The following NIPA1 variants were observed in gnomAD, a reference collection of about 807,000 sequenced individuals.
NIPA1 encodes NIPA magnesium transporter 1.
A neutral mutation model predicts 23.9 loss-of-function variants in NIPA1; 13 were observed. That is an observed-to-expected ratio of 0.54 (90% CI 0.35 to 0.87). The LOEUF (loss-of-function observed/expected upper bound fraction) is 0.87, where lower values mean the gene tolerates loss of function less well. NIPA1 is among the 40% of genes least tolerant of loss of function. NIPA1 has a pLI of 0.01. For missense variants in NIPA1, 362 were observed against 429.7 expected, an observed-to-expected ratio of 0.84 and a Z score of 1.39; for synonymous variants, 234 against 202.9, an observed-to-expected ratio of 1.15 and a Z score of -1.30.
chr15:22,804,229 C>G (rs1895153016), intron 1 of NIPA1, among the ~76,000 whole-genome samples: 1 of 152,042 alleles, frequency 6.6e-6, no homozygotes, highest in Admixed American at 6.6e-5. Flanking sequence ...TCACCCACCT[C>G]AGCCTCCCAA....
chr15:22,793,357 CAAAAAA>C lies in NIPA1; in HGVS notation c.178+6539_178+6544del, dbSNP rs1163603849. ...CAGGCTACGGAGTGAGACTGTGTCTCAAAAAAAAAAAAAAAAAAAAAGAGAATACAT... is the reference window on the plus strand; with the variant it reads ...CAGGCTACGGAGTGAGACTGTGTCTCAAAAAAAAAAAAAAAGAGAATACAT... On this transcript the variant is annotated intron_variant, in intron 1 of 4. Transcript: ENST00000337435. Among the ~76,000 whole-genome samples, 527 of 73,096 alleles carry C rather than the reference CAAAAAA, an allele frequency of 7.2e-3. 10 individuals carry two copies. The highest frequency in any genetic ancestry group is 0.025 in the African/African-American group (506 of 20,204). The allele number at this position is 73,096 out of a possible 152,430, so 48.0% of individuals were successfully genotyped here.
At chr15:22,796,222 C>T (rs1001311552) in intron 1 of NIPA1, among the ~76,000 whole-genome samples, 1 of 151,824 alleles carries the variant, frequency 6.6e-6, no homozygotes, top group Non-Finnish European at 1.5e-5. Context: ...ATGCATGGCC[C>T]CAGATAAGGC....
intron 4 of NIPA1, among the ~76,000 whole-genome samples, chr15:22,823,246 G>T (rs1217708828): frequency 4.8e-5 from 7 of 145,794 alleles, no homozygotes; most frequent in African/African-American, 1.5e-4. Flanking sequence ...ATGGAGTCTT[G>T]CTCTGTCACC....
chr15:22,814,131 C>T, intron 3 of NIPA1: 2 of 1,262,930 alleles, frequency 1.6e-6, no homozygotes, highest in Non-Finnish European at 2.1e-6. Context: ...GGATAAAAAG[C>T]CTGTCTTCAA....
chr15:22,810,918 C>G (rs1895303434), intron 2 of NIPA1, 122 bp downstream of exon 2: 1 of 804,696 alleles, frequency 1.2e-6, no homozygotes, highest in Non-Finnish European at 2.2e-6. Flanking sequence ...GTCGCGTGGC[C>G]TCTCCCCAGG....
chr15:22,797,043 C>CT (rs61661682), intron 1 of NIPA1, among the ~76,000 whole-genome samples: 14,908 of 140,092 alleles, frequency 0.11, 1,732 homozygotes, highest in African/African-American at 0.29. Context: ...ATTGAGGTTT[C>CT]TTTTTTTTTT....
chr15:22,796,968 C>G (rs1759482074), intron 1 of NIPA1, among the ~76,000 whole-genome samples: 1 of 151,800 alleles, frequency 6.6e-6, no homozygotes, highest in African/African-American at 2.4e-5. Context: ...CTGGAAAGTA[C>G]AGAAAATGGT....
intron 1 of NIPA1, among the ~76,000 whole-genome samples, chr15:22,789,855 C>T (rs8038674): frequency 0.076 from 11,531 of 151,724 alleles, 1,032 homozygotes; most frequent in African/African-American, 0.21. Flanking sequence ...AGTGCAGTGG[C>T]GCGATCTTGG....
intron 1 of NIPA1, among the ~76,000 whole-genome samples, chr15:22,799,781 C>CA (rs746610642): frequency 0.076 from 7,861 of 104,102 alleles, 678 homozygotes; most frequent in African/African-American, 0.22. Flanking sequence ...GACTCTGTCT[C>CA]AAAAAAAAAA....
At chr15:22,818,765 C>G (rs1595644945) in intron 3 of NIPA1, among the ~76,000 whole-genome samples, 1 of 152,130 alleles carries the variant, frequency 6.6e-6, no homozygotes, top group Admixed American at 6.5e-5. Flanking sequence ...CCACTGCACT[C>G]CAGCCTGGGT....
At position 22,829,087 on chromosome 15, in the gene NIPA1, T is replaced by G. The variant is rs1398329077; in HGVS notation, c.*4848T>G. 1 of 152,202 alleles carries G rather than the reference T, an allele frequency of 6.6e-6. No individual in the cohort carries two copies. Among genetic ancestry groups the G allele is most frequent in the Non-Finnish European group, 1.5e-5 (1 of 68,040 alleles). 9.4% of individuals were successfully genotyped at this position (152,202 alleles called of 1,614,324 possible). A position where few individuals can be genotyped will look rare whatever the true frequency, so the allele number is the denominator to read the frequency against. On this transcript the variant is annotated 3_prime_UTR_variant, in exon 5 of 5. Transcript: ENST00000337435. ...AAGCTTTAGTTTTCCTTTTTTTGTT[T>G]TAAAAGAAAGGGTTTTATATGTTCT...
chr15:22,800,323 A>C (rs1483066702), intron 1 of NIPA1, among the ~76,000 whole-genome samples: 1 of 152,118 alleles, frequency 6.6e-6, no homozygotes, highest in Non-Finnish European at 1.5e-5. Context: ...TGTTAAACAT[A>C]ATACCTTTAT....
chr15:22,821,866 C>T (rs564049616), intron 4 of NIPA1, among the ~76,000 whole-genome samples: 2 of 152,344 alleles, frequency 1.3e-5, no homozygotes, highest in South Asian at 2.1e-4. Flanking sequence ...CCTCCTTATA[C>T]ACACAAGTTC....
At position 22,823,659 on chromosome 15, in the gene NIPA1, C is replaced by T. The variant is rs1895588924; in HGVS notation, c.479-69C>T. On this transcript the variant is annotated intron_variant, in intron 4 of 4. Transcript: ENST00000337435. Reference sequence around the variant, plus strand: ...GGCGGGTGGGGGCCCGGGTGCTGCCCCAGTCCACCTCCTGGGTTGCGGCTG... The same window carrying T: ...GGCGGGTGGGGGCCCGGGTGCTGCCTCAGTCCACCTCCTGGGTTGCGGCTG... The T allele has an allele frequency of 3.3e-6, 5 of 1,516,480 alleles. No homozygotes were observed. The Admixed American group carries it at 9.6e-5, about 29-fold the overall frequency. The allele number at this position is 1,516,480 out of a possible 1,614,324, so 93.9% of individuals were successfully genotyped here.
intron 1 of NIPA1, among the ~76,000 whole-genome samples, chr15:22,796,843 T>G (rs2140852310): frequency 6.6e-6 from 1 of 152,214 alleles, no homozygotes; most frequent in South Asian, 2.1e-4. Context: ...CGGGGCTCTT[T>G]ACTGTGATAT....
At chr15:22,809,297 G>T (rs571085893) in intron 1 of NIPA1, among the ~76,000 whole-genome samples, 1 of 152,226 alleles carries the variant, frequency 6.6e-6, no homozygotes, top group East Asian at 1.9e-4. Context: ...TGAAGCATGA[G>T]AATTGCTTGA....
chr15:22,818,643 A>G (rs1895473430), intron 3 of NIPA1, among the ~76,000 whole-genome samples: 2 of 151,562 alleles, frequency 1.3e-5, no homozygotes. Context: ...TAAAAATACA[A>G]AAATCCCCCA....
chr15:22,821,714 T>C (rs1276702668), intron 4 of NIPA1, among the ~76,000 whole-genome samples: 1 of 152,114 alleles, frequency 6.6e-6, no homozygotes, highest in Non-Finnish European at 1.5e-5. Context: ...CCACACTCAC[T>C]GGTTTTCTTG....
intron 3 of NIPA1, among the ~76,000 whole-genome samples, chr15:22,815,723 C>T (rs1895402123): frequency 2.0e-5 from 3 of 148,066 alleles, no homozygotes; most frequent in Non-Finnish European, 1.5e-5. Context: ...AAAATACTAA[C>T]CAGTTGGATC....
Sources: allele counts gnomAD v4.1 joint callset (sites outside exome capture counted in the v4.1 genomes callset), GRCh38; gene constraint gnomAD v4.1.1; transcripts MANE v1.5; gene names NCBI Gene and HGNC (gene_info 2026-07-23, HGNC 2026-07-21).